ABR: variants seen among roughly 807,000 people sequenced by gnomAD.
The protein encoded by ABR is active breakpoint cluster region-related protein.
A neutral mutation model predicts 107.2 loss-of-function variants in ABR; 35 were observed. That is an observed-to-expected ratio of 0.33 (90% CI 0.25 to 0.43). The LOEUF is 0.43. Among genes scored for constraint, ABR ranks in the 20% least tolerant of loss-of-function variants. ABR has a pLI of 1.00. For synonymous variants in ABR, 498 were observed against 462.0 expected (o/e 1.08, Z -1.00); for missense variants, 815 against 1,115.2 (o/e 0.73, Z 3.83).
rs1567697753 is a variant in ABR at position 1,070,107 on chromosome 17, A to G, written c.895-17T>C. On this transcript the variant is annotated splice_polypyrimidine_tract_variant and intron_variant, in intron 8 of 22. Transcript: ENST00000302538. The surrounding 1 kb of genome is among the most constrained non-coding windows in gnomAD (Gnocchi z 4.2). ...CTGTCGCGTCTGAGGGAGATGGCAG[A>G]CCCCCCAGCCTGCTCAGAGGGGAAT... is the stretch of plus-strand genomic sequence containing the variant. 1 of 1,611,614 alleles carries G rather than the reference A, an allele frequency of 6.2e-7. No homozygotes were observed. The highest frequency in any genetic ancestry group is 2.2e-5 in the East Asian group (1 of 44,730).
chr17:1,032,478 G>A (rs2072880778), intron 16 of ABR, among the ~76,000 whole-genome samples: 1 of 152,162 alleles, frequency 6.6e-6, no homozygotes, highest in South Asian at 2.1e-4. Flanking sequence ...TGCCTCTTGA[G>A]GGGTCACTTT....
At chr17:1,056,231 C>A in intron 13 of ABR, 122 bp from the exon 14 acceptor site, 3 of 852,694 alleles carry the variant, frequency 3.5e-6, no homozygotes, top group Non-Finnish European at 5.8e-6. Context: ...AACATCACCA[C>A]CTGGTGGCCA....
At chr17:1,138,686 C>T (rs1458179837) in intron 1 of ABR, among the ~76,000 whole-genome samples, 1 of 152,088 alleles carries the variant, frequency 6.6e-6, no homozygotes, top group Non-Finnish European at 1.5e-5. Flanking sequence ...GCTATGTGGG[C>T]CGGGCTGGTC....
chr17:1,022,120 A>AAAAAAAAAAAAAAC (rs56033950), intron 16 of ABR, among the ~76,000 whole-genome samples: 13,685 of 116,572 alleles, frequency 0.12, 1,451 homozygotes, highest in Admixed American at 0.19. Context: ...AAAAAAAAAA[A>AAAAAAAAAAAAAAC]AAAAACAGAA....
chr17:1,157,249 C>CTTT lies in ABR; in HGVS notation c.61+22415_61+22417dup, dbSNP rs545131491. ...GTCAGTCGTGCTACAGCGCACATTA[C>CTTT]TTTTTTTTTTTTTTTTTTTGAGATG... On this transcript the variant is annotated intron_variant, in intron 1 of 22. Transcript: ENST00000302538. The surrounding 1 kb of genome is among the most constrained non-coding windows in gnomAD (Gnocchi z 4.7). Among the ~76,000 whole-genome samples the CTTT allele has an allele frequency of 8.2e-6, 1 of 121,786 alleles. No individual in the cohort carries two copies. 79.9% of individuals were successfully genotyped at this position (121,786 alleles called of 152,430 possible). A position where few individuals can be genotyped will look rare whatever the true frequency, so the allele number is the denominator to read the frequency against.
At chr17:1,061,109 C>T (rs1021917261) in intron 10 of ABR, among the ~76,000 whole-genome samples, 3 of 152,232 alleles carry the variant, frequency 2.0e-5, no homozygotes, top group African/African-American at 7.2e-5. Context: ...CAGCAAGGGG[C>T]GTGTCTGCTT....
intron 14 of ABR, among the ~76,000 whole-genome samples, chr17:1,054,135 G>A (rs1243611475): frequency 6.6e-6 from 1 of 152,232 alleles, no homozygotes; most frequent in African/African-American, 2.4e-5. Context: ...GTCCTCGTGT[G>A]TAAAACAGGG....
chr17:1,039,535 C>T (rs1044066749), intron 16 of ABR: 1 of 152,472 alleles, frequency 6.6e-6, no homozygotes, highest in African/African-American at 2.4e-5. Context: ...GCGTCTAGAC[C>T]TGCCTTGAAG....
Position 1,100,723 on chromosome 17 carries a change from T to C in ABR, c.259A>G (p.Lys87Glu). The C allele has an allele frequency of 6.2e-7, 1 of 1,614,152 alleles. No homozygotes were observed. The highest frequency in any genetic ancestry group is 8.5e-7 in the Non-Finnish European group (1 of 1,180,032). The change falls in exon 3 of 23, where the codon AAA becomes GAA. Residue 87 changes from lysine (K) to glutamate (E), a missense_variant. Physicochemically the swap from Lys to Glu is moderately conservative, Grantham distance 56 (BLOSUM62 1). Coordinates refer to ENST00000302538, the MANE Select transcript of ABR (RefSeq NM_021962.5). ...EGLAPGVEAG[K>E]GLEMRKLVLS... ...ACCAGCTTCCTCATCTCCAGGCCTT[T>C]CCCTGCTTCCACCTGCACAAACGCA...
intron 1 of ABR, among the ~76,000 whole-genome samples, chr17:1,153,362 T>TGGCACACCTGCGGGAGGGCTGGGGATCCA (rs71148438): frequency 7.4e-5 from 11 of 148,472 alleles, no homozygotes; most frequent in African/African-American, 2.5e-4. Flanking sequence ...CCCCAGCAGA[T>TGGCACACCTGCGGGAGGGCTGGGGATCCA]GGCACACCTG....
At chr17:1,184,578 A>T (rs1185503914), upstream of ABR, among the ~76,000 whole-genome samples, 1 of 152,176 alleles carries the variant, frequency 6.6e-6, no homozygotes, top group Non-Finnish European at 1.5e-5. Flanking sequence ...GTGCCTCCAG[A>T]TCAGCTTTCT....
At position 1,179,592 on chromosome 17, in the gene ABR, G is replaced by T; in HGVS notation, c.61+75C>A. The T allele has an allele frequency of 7.2e-7, 1 of 1,383,190 alleles. No homozygotes were observed. The highest frequency in any genetic ancestry group is 1.5e-5 in the South Asian group (1 of 65,328). The allele number at this position is 1,383,190 out of a possible 1,614,324, so 85.7% of individuals were successfully genotyped here. ...ATCCCGATCTTGGGGTCCCGATCCC[G>T]ATCCTGGGGTCCCGATCTCCATCCT... On this transcript the variant is annotated intron_variant, in intron 1 of 22. Transcript: ENST00000302538. This position sits in a 1 kb window ranked among gnomAD's most constrained non-coding sequence, Gnocchi z 4.9.
Position 1,203,402 on chromosome 17 carries a change from G to A in ABR, c.838+25391C>T, listed in dbSNP as rs570367496. Among the ~76,000 whole-genome samples the A allele has an allele frequency of 1.4e-4, 3 of 21,778 alleles. 1 individual carries two copies. Among genetic ancestry groups the A allele is most frequent in the Non-Finnish European group, 2.8e-4 (3 of 10,794 alleles). 14.3% of individuals were successfully genotyped at this position (21,778 alleles called of 152,430 possible). ...GGGCCTTGAGGGGGCGGGGCCCGCGGGGGGCGGAGTCTGCGGGGGCGGGGC... is the reference window on the plus strand; with the variant it reads ...GGGCCTTGAGGGGGCGGGGCCCGCGAGGGGCGGAGTCTGCGGGGGCGGGGC... On this transcript the variant is annotated intron_variant, in intron 1 of 22. Transcript: ENST00000574139.
chr17:1,223,941 G>A (rs1400653975), intron 1 of ABR, among the ~76,000 whole-genome samples: 1 of 152,166 alleles, frequency 6.6e-6, no homozygotes, highest in African/African-American at 2.4e-5. Context: ...GATGAGATTT[G>A]GGTGGGGATA....
At chr17:1,222,567 A>G (rs1005615268) in intron 1 of ABR, among the ~76,000 whole-genome samples, 12 of 152,218 alleles carry the variant, frequency 7.9e-5, no homozygotes, top group African/African-American at 2.9e-4. Context: ...AATCAGGTTC[A>G]GGTAACATGA....
At chr17:1,203,863 C>T (rs2042735966) in intron 1 of ABR, among the ~76,000 whole-genome samples, 1 of 152,192 alleles carries the variant, frequency 6.6e-6, no homozygotes, top group Non-Finnish European at 1.5e-5. Context: ...CAGGACGTTC[C>T]GGTGGCGCCG....
rs187707903 is a variant in ABR, at chr17:1,078,111, G to T, written c.700+1219C>A. On this transcript the variant is annotated intron_variant, in intron 6 of 22. Coordinates refer to ENST00000302538, the MANE Select transcript of ABR (RefSeq NM_021962.5). The surrounding 1 kb of genome is among the most constrained non-coding windows in gnomAD (Gnocchi z 7.5). ...TCCCTTCCACCGAAAGGTGGTGTGT[G>T]TGTGTGTGTGTGTGTGTGTGACCTT... Among the ~76,000 whole-genome samples, 1 of 152,102 alleles carries T rather than the reference G, an allele frequency of 6.6e-6. No homozygotes were observed. The highest frequency in any genetic ancestry group is 1.9e-4 in the East Asian group (1 of 5,138).
chr17:1,186,015 T>G (rs1258067364), intron 1 of ABR, among the ~76,000 whole-genome samples: 1 of 152,108 alleles, frequency 6.6e-6, no homozygotes, highest in Non-Finnish European at 1.5e-5. Flanking sequence ...TTTTGTATTT[T>G]TAGTAGAAAT....
chr17:1,006,164 C>G lies in ABR; in HGVS notation c.2496G>C (p.Gln832His), dbSNP rs1356178583. 12 of 1,578,038 alleles carry G rather than the reference C, an allele frequency of 7.6e-6. No homozygotes were observed. The highest frequency in any genetic ancestry group is 1.0e-5 in the Non-Finnish European group (12 of 1,161,480). ...GGTGCTGCAGGTAGTAGAGGAGGAC[C>G]TGGACCTGTGGGGAGACAGGAAGGC... is the stretch of plus-strand genomic sequence containing the variant. ...IWSHDVMAQV[Q>H]VLLYYLQHPP... The change falls in exon 23 of 23, where the codon CAG becomes CAC. Residue 832 changes from glutamine (Q) to histidine (H), a missense_variant. Around this residue, in one of 5 missense-constraint regions of ABR, gnomAD observed 175 missense variants for 284.3 expected, o/e 0.62. Coordinates refer to ENST00000302538, the MANE Select transcript of ABR (RefSeq NM_021962.5).
Sources: gnomAD v4.1 joint callset for allele counts (sites outside exome capture counted in the v4.1 genomes callset) on GRCh38, gnomAD v4.1.1 for gene constraint, gnomAD v4.1.1 regional missense constraint, Gnocchi (gnomAD v3.1) non-coding constraint, MANE v1.5 for transcripts, NCBI Gene and HGNC (gene_info 2026-07-23, HGNC 2026-07-21) for gene names.